Variants in PCDH15 observed in about 807,000 individuals in gnomAD.
PCDH15 encodes the protein protocadherin related 15, also known as protocadherin-15.
In PCDH15, 129 loss-of-function variants were observed where a neutral mutation model predicts 178.5. That is an observed-to-expected ratio of 0.72 (90% CI 0.63 to 0.84). The LOEUF (loss-of-function observed/expected upper bound fraction) is 0.84, where lower values mean the gene tolerates loss of function less well. Ranked by LOEUF, PCDH15 falls within the 40% of genes least tolerant of loss-of-function variation. PCDH15 has a pLI of 0.00. For synonymous variants in PCDH15, 800 were observed against 732.0 expected, an observed-to-expected ratio of 1.09 and a Z score of -1.50; for missense variants, 2,230 against 2,099.9, an observed-to-expected ratio of 1.06 and a Z score of -1.21.
intron 1 of PCDH15, among the ~76,000 whole-genome samples, chr10:55,190,471 T>C (rs1839918894): frequency 6.6e-6 from 1 of 151,758 alleles, no homozygotes; most frequent in South Asian, 2.1e-4. Flanking sequence ...TGACAAATAA[T>C]GTGCAAACAT....
chr10:55,354,280 A>C (rs1474375130), intron 2 of PCDH15, among the ~76,000 whole-genome samples: 1 of 152,118 alleles, frequency 6.6e-6, no homozygotes, highest in Non-Finnish European at 1.5e-5. Context: ...GAAAACAATC[A>C]TTTGATATAT....
intron 2 of PCDH15, among the ~76,000 whole-genome samples, chr10:55,088,132 T>A (rs975306237): frequency 1.3e-5 from 2 of 152,140 alleles, no homozygotes; most frequent in Non-Finnish European, 2.9e-5. Context: ...TATCTTGAAT[T>A]ATCTATGTCT....
intron 3 of PCDH15, among the ~76,000 whole-genome samples, chr10:54,881,174 C>T (rs1954256314): frequency 6.6e-6 from 1 of 151,950 alleles, no homozygotes; most frequent in South Asian, 2.1e-4. Flanking sequence ...GGTTTTTCTC[C>T]AGGGTAAAAG....
At chr10:55,068,942 G>C (rs967704070) in intron 2 of PCDH15, among the ~76,000 whole-genome samples, 7 of 152,030 alleles carry the variant, frequency 4.6e-5, no homozygotes, top group African/African-American at 1.7e-4. Context: ...CCAACACCCA[G>C]GCTAGAGTGC....
At chr10:55,102,412 C>T (rs1237272037) in intron 2 of PCDH15, among the ~76,000 whole-genome samples, 1 of 151,566 alleles carries the variant, frequency 6.6e-6, no homozygotes, top group Non-Finnish European at 1.5e-5. Context: ...AGTACTGAGC[C>T]CTATATATAC....
chr10:54,853,318 TAC>T (rs1554806809), intron 3 of PCDH15, among the ~76,000 whole-genome samples: 6 of 102,022 alleles, frequency 5.9e-5, no homozygotes, highest in Admixed American at 2.6e-4. Context: ...TATATATATA[TAC>T]ATACACACAC....
chr10:55,125,287 T>C (rs1837871236), intron 2 of PCDH15, among the ~76,000 whole-genome samples: 1 of 151,988 alleles, frequency 6.6e-6, no homozygotes, highest in Admixed American at 6.6e-5. Flanking sequence ...TCTGAAGTTA[T>C]TGAAAGTAGT....
chr10:54,891,108 A>G (rs1236589078), intron 3 of PCDH15, among the ~76,000 whole-genome samples: 1 of 152,086 alleles, frequency 6.6e-6, no homozygotes, highest in African/African-American at 2.4e-5. Context: ...ATGGTTGAGA[A>G]ATACATTATC....
chr10:55,504,203 G>A (rs1048238386), intron 2 of PCDH15, among the ~76,000 whole-genome samples: 1 of 151,150 alleles, frequency 6.6e-6, no homozygotes, highest in Admixed American at 6.6e-5. Flanking sequence ...TTCATCAATT[G>A]TAAAATTAAA....
chr10:54,088,931 T>TTTTC (rs35837268), intron 16 of PCDH15, among the ~76,000 whole-genome samples: 33,529 of 152,052 alleles, frequency 0.22, 3,818 homozygotes, highest in Non-Finnish European at 0.25. Context: ...TGCTTAAAGT[T>TTTTC]TTTAACATTT....
intron 2 of PCDH15, among the ~76,000 whole-genome samples, chr10:54,898,908 C>T (rs1374102309): frequency 3.3e-5 from 5 of 152,084 alleles, no homozygotes; most frequent in Admixed American, 2.6e-4. Flanking sequence ...AAAGCGAAAT[C>T]ATATATGGTA....
chr10:54,367,534 C>T (rs1304965436), intron 5 of PCDH15, among the ~76,000 whole-genome samples: 1 of 151,924 alleles, frequency 6.6e-6, no homozygotes, highest in Non-Finnish European at 1.5e-5. Context: ...TGGAAACCGT[C>T]ATTCTCAGCA....
rs140280644 is a variant in PCDH15, at chr10:53,848,977, G to C, written c.3806+8198C>G. On this transcript the variant is annotated intron_variant, in intron 28 of 37. Transcript: ENST00000644397. ...TCCAATAAAATATATTTTTAATCTG[G>C]GAAGATCTCATTTATCTCTTTTTGA... Among the ~76,000 whole-genome samples, 1,441 of 151,912 alleles carry C rather than the reference G, an allele frequency of 9.5e-3. 26 individuals are homozygous for C. Among genetic ancestry groups the C allele is most frequent in the African/African-American group, 0.034 (1,393 of 41,456 alleles).
At chr10:54,570,072 G>T (rs527447636) in intron 2 of PCDH15, among the ~76,000 whole-genome samples, 1 of 151,892 alleles carries the variant, frequency 6.6e-6, no homozygotes, top group African/African-American at 2.4e-5. Flanking sequence ...GTGTGTGTGT[G>T]TTTGTGTGAA....
intron 2 of PCDH15, among the ~76,000 whole-genome samples, chr10:54,980,065 T>C (rs1295658964): frequency 6.6e-6 from 1 of 152,136 alleles, no homozygotes; most frequent in Non-Finnish European, 1.5e-5. Context: ...TGGCCATCCA[T>C]TACAGATTTA....
chr10:54,866,463 A>T (rs1031002438), intron 3 of PCDH15, among the ~76,000 whole-genome samples: 4 of 152,128 alleles, frequency 2.6e-5, no homozygotes, highest in Non-Finnish European at 4.4e-5. Context: ...ATTCTTTAGA[A>T]CGGCTATAAG....
chr10:55,277,955 C>G (rs959345256), intron 1 of PCDH15, among the ~76,000 whole-genome samples: 2 of 152,090 alleles, frequency 1.3e-5, no homozygotes, highest in Admixed American at 1.3e-4. Flanking sequence ...TTCATTATTA[C>G]AGTCATTAGG....
intron 2 of PCDH15, among the ~76,000 whole-genome samples, chr10:54,931,934 T>A (rs753406128): frequency 6.6e-6 from 1 of 152,130 alleles, no homozygotes; most frequent in Non-Finnish European, 1.5e-5. Context: ...AAAATGCACC[T>A]CCATATTAAA....
At chr10:54,841,528 G>C (rs565112700) in intron 3 of PCDH15, among the ~76,000 whole-genome samples, 84 of 151,692 alleles carry the variant, frequency 5.5e-4, no homozygotes, top group African/African-American at 1.9e-3. Flanking sequence ...GCCTAAGTTA[G>C]CAGATGGGCA....
Sources: allele counts gnomAD v4.1 joint callset (sites outside exome capture counted in the v4.1 genomes callset), GRCh38; gene constraint gnomAD v4.1.1; transcripts MANE v1.5; gene names NCBI Gene and HGNC (gene_info 2026-07-23, HGNC 2026-07-21).